The following NDRG3 variants were observed in gnomAD, a reference collection of about 807,000 sequenced individuals.
NDRG3 encodes protein NDRG3.
A neutral mutation model predicts 57.2 loss-of-function variants in NDRG3; 23 were observed. The observed-to-expected ratio is 0.40, with a 90% CI of 0.29 to 0.57. NDRG3 has a LOEUF of 0.57. Ranked by LOEUF, NDRG3 falls within the 20% of genes least tolerant of loss-of-function variation. The probability of loss-of-function intolerance (pLI) is 0.42; values close to 1 mark genes in which losing one functional copy is unlikely to be tolerated. For missense variants in NDRG3, 384 were observed against 457.3 expected, an observed-to-expected ratio of 0.84 and a Z score of 1.46; for synonymous variants, 132 against 162.6, an observed-to-expected ratio of 0.81 and a Z score of 1.43.
At chr20:36,710,640 C>G (rs539139939) in intron 2 of NDRG3, among the ~76,000 whole-genome samples, 2 of 152,098 alleles carry the variant, frequency 1.3e-5, no homozygotes, top group East Asian at 3.9e-4. Flanking sequence ...AACACTGTCT[C>G]TACTAAAAAT....
intron 15 of NDRG3, among the ~76,000 whole-genome samples, chr20:36,654,098 T>C (rs1056761459): frequency 6.6e-6 from 1 of 152,084 alleles, no homozygotes; most frequent in Non-Finnish European, 1.5e-5. Context: ...AGTATGAAGG[T>C]GTTTCACAAA....
At position 36,656,350 on chromosome 20, in the gene NDRG3, T is replaced by C. The variant is rs1377581579; in HGVS notation, c.946+10A>G. The C allele has an allele frequency of 4.3e-6, 7 of 1,613,614 alleles. No homozygotes were observed. The highest frequency in any genetic ancestry group is 5.9e-6 in the Non-Finnish European group (7 of 1,179,768). ...AATCGTTGCTAGATAGAAAGTTGTG[T>C]ACTACTCACTGTAGCCCATTCCCTG... On this transcript the variant is annotated intron_variant, in intron 15 of 15. Coordinates refer to ENST00000349004, the MANE Select transcript of NDRG3 (RefSeq NM_032013.4).
At chr20:36,694,157 T>C (rs1040649324) in intron 3 of NDRG3, among the ~76,000 whole-genome samples, 1 of 152,108 alleles carries the variant, frequency 6.6e-6, no homozygotes, top group African/African-American at 2.4e-5. Flanking sequence ...CAGGAGGGGT[T>C]GGTCTTGCCA....
intron 1 of NDRG3, among the ~76,000 whole-genome samples, chr20:36,744,768 A>G (rs1986100873): frequency 6.6e-6 from 1 of 152,178 alleles, no homozygotes; most frequent in South Asian, 2.1e-4. Flanking sequence ...TTCTTGCTTT[A>G]TCTTAAATAC....
chr20:36,661,286 G>A (rs1979181231), intron 12 of NDRG3, among the ~76,000 whole-genome samples: 1 of 152,186 alleles, frequency 6.6e-6, no homozygotes, highest in South Asian at 2.1e-4. Flanking sequence ...TCACATGTCT[G>A]ATATCGTGCA....
At chr20:36,693,197 CAT>C (rs1410927883) in intron 3 of NDRG3, among the ~76,000 whole-genome samples, 42 of 121,194 alleles carry the variant, frequency 3.5e-4, no homozygotes, top group Admixed American at 7.8e-4. Context: ...TACACACACA[CAT>C]ATATATGTGT....
intron 1 of NDRG3, among the ~76,000 whole-genome samples, chr20:36,740,108 TG>T (rs1985855807): frequency 6.6e-6 from 1 of 152,068 alleles, no homozygotes; most frequent in Admixed American, 6.6e-5. Context: ...AAACCACCAC[TG>T]TACTTAGAAA....
At chr20:36,736,683 C>T (rs1985625207) in intron 1 of NDRG3, among the ~76,000 whole-genome samples, 1 of 152,114 alleles carries the variant, frequency 6.6e-6, no homozygotes, top group Non-Finnish European at 1.5e-5. Context: ...AGCAAAGGAT[C>T]TCAGGAGACT....
At position 36,693,125 on chromosome 20, in the gene NDRG3, TATATATATATATATATAC is replaced by T. The variant is rs1322893075; in HGVS notation, c.94-4359_94-4342del. On this transcript the variant is annotated intron_variant, in intron 3 of 15. Coordinates refer to ENST00000349004, the MANE Select transcript of NDRG3 (RefSeq NM_032013.4). ...AAAAAAATATATATATATATATATA[TATATATATATATATATAC>T]ACACACACACATATACACATATATA... Among the ~76,000 whole-genome samples, 164 of 62,138 alleles carry T rather than the reference TATATATATATATATATAC, an allele frequency of 2.6e-3. 4 individuals are homozygous for T. Among genetic ancestry groups the T allele is most frequent in the South Asian group, 3.9e-3 (7 of 1,784 alleles). The allele number at this position is 62,138 out of a possible 152,430, so 40.8% of individuals were successfully genotyped here. A position where few individuals can be genotyped will look rare whatever the true frequency, so the allele number is the denominator to read the frequency against.
At chr20:36,720,830 G>A (rs1015410800) in intron 2 of NDRG3, among the ~76,000 whole-genome samples, 2 of 150,918 alleles carry the variant, frequency 1.3e-5, no homozygotes, top group Non-Finnish European at 3.0e-5. Context: ...GGGTGCAGTG[G>A]CGCAGTCTTG....
chr20:36,660,552 A>T (rs1211686378), intron 12 of NDRG3, among the ~76,000 whole-genome samples, 168 bp from the exon 13 acceptor site: 13 of 150,152 alleles, frequency 8.7e-5, no homozygotes, highest in African/African-American at 2.7e-4. Context: ...TTATTTATTT[A>T]TTTATTTATT....
intron 9 of NDRG3, among the ~76,000 whole-genome samples, chr20:36,669,230 ATT>A (rs1226125448): frequency 4.1e-5 from 5 of 122,480 alleles, no homozygotes; most frequent in Admixed American, 8.2e-5. Flanking sequence ...CTAATTTTGT[ATT>A]TTTTTTTTTT....
chr20:36,714,495 G>A (rs1366068566), intron 2 of NDRG3, among the ~76,000 whole-genome samples: 10 of 148,120 alleles, frequency 6.8e-5, no homozygotes, highest in Admixed American at 5.4e-4. Context: ...AGGCTGGAGT[G>A]CAATAGCGCG....
intron 13 of NDRG3, among the ~76,000 whole-genome samples, chr20:36,657,882 G>T (rs1423373179): frequency 2.6e-5 from 4 of 152,178 alleles, no homozygotes; most frequent in Non-Finnish European, 5.9e-5. Context: ...GCTGAAACCT[G>T]ATTAGAACAC....
intron 1 of NDRG3, among the ~76,000 whole-genome samples, chr20:36,737,854 C>T (rs1368975297): frequency 1.3e-5 from 2 of 151,950 alleles, no homozygotes; most frequent in Admixed American, 6.6e-5. Flanking sequence ...CTGAGGTGGG[C>T]GGAGTTTGAG....
chr20:36,671,588 G>A (rs1214689974), intron 8 of NDRG3, among the ~76,000 whole-genome samples, 191 bp from the exon 9 acceptor site: 2 of 152,154 alleles, frequency 1.3e-5, no homozygotes, highest in African/African-American at 2.4e-5. Context: ...AGATCATGAG[G>A]TCAGGAGATT....
intron 1 of NDRG3, among the ~76,000 whole-genome samples, chr20:36,725,600 TAA>T (rs548128722): frequency 1.7e-4 from 14 of 82,390 alleles, no homozygotes; most frequent in Non-Finnish European, 2.4e-4. Flanking sequence ...AGACTCCGTC[TAA>T]AAAAAAAAAA....
In NDRG3 at chr20:36,681,432, T is replaced by TA. The variant is rs1159251847; in HGVS notation, c.445-531dup. Among the ~76,000 whole-genome samples the TA allele has an allele frequency of 4.6e-5, 7 of 151,986 alleles. No individual in the cohort carries two copies. The East Asian group carries it at 1.2e-3, about 26-fold the overall frequency. On this transcript the variant is annotated intron_variant, in intron 7 of 15. Transcript: ENST00000349004. ...GAGGGTGGATCACGAGGTCAGGAGT[T>TA]AGAGACCAGCCTGACCAACATGGCG... is the stretch of plus-strand genomic sequence containing the variant.
intron 1 of NDRG3, among the ~76,000 whole-genome samples, chr20:36,723,793 G>T (rs1259971925): frequency 6.7e-6 from 1 of 150,120 alleles, no homozygotes. Context: ...TGGAACCTCC[G>T]CCTCCTGGGC....
Sources: gnomAD v4.1 joint callset for allele counts (sites outside exome capture counted in the v4.1 genomes callset) on GRCh38, gnomAD v4.1.1 for gene constraint, MANE v1.5 for transcripts, NCBI Gene and HGNC (gene_info 2026-07-23, HGNC 2026-07-21) for gene names.